Variants in PAPSS2 observed in about 807,000 individuals in gnomAD.
PAPSS2 encodes the protein bifunctional 3'-phosphoadenosine 5'-phosphosulfate synthase 2.
A neutral mutation model predicts 66.5 loss-of-function variants in PAPSS2; 61 were observed. The ratio of observed to expected loss-of-function variants is 0.92; its 90% confidence interval spans 0.75 to 1.14. The LOEUF is 1.14. PAPSS2 is among the 50% of genes most tolerant of loss of function. PAPSS2 has a pLI of 0.00. For synonymous variants in PAPSS2, 289 were observed against 287.5 expected (o/e 1.01, Z -0.05); for missense variants, 708 against 789.6 (o/e 0.90, Z 1.24).
At chr10:87,714,408 A>G (rs1853506460) in intron 4 of PAPSS2, among the ~76,000 whole-genome samples, 1 of 152,216 alleles carries the variant, frequency 6.6e-6, no homozygotes, top group African/African-American at 2.4e-5. Context: ...AATAACGTTC[A>G]GAGAACTAGA....
rs753208471 is a variant in PAPSS2, at chr10:87,743,638, A to G, written c.1488A>G (p.Thr496=). Residue 496 remains threonine (T), a synonymous_variant, in exon 11 of 13, where the codon ACA becomes ACG. Coordinates refer to ENST00000456849, the MANE Select transcript of PAPSS2 (RefSeq NM_001015880.2). The stretch of plus-strand genomic sequence containing the variant: ...CTCCCATGTTATATGCTGGCCCCAC[A>G]GAGGTGAGCAATTCCCAGAGCTGGG... ...FPSPMLYAGP[T]EVQWHCRSRM... 4 of 1,614,150 alleles carry G rather than the reference A, an allele frequency of 2.5e-6. No homozygotes were observed. The Admixed American group carries it at 6.7e-5, about 27-fold the overall frequency.
At chr10:87,695,198 T>TA (rs1853217285) in intron 1 of PAPSS2, among the ~76,000 whole-genome samples, 1 of 152,158 alleles carries the variant, frequency 6.6e-6, no homozygotes, top group East Asian at 1.9e-4. Context: ...GCAAGGAACT[T>TA]ACAGATTCAG....
chr10:87,668,042 C>A (rs1326881301), intron 1 of PAPSS2, among the ~76,000 whole-genome samples: 1 of 152,142 alleles, frequency 6.6e-6, no homozygotes, highest in Non-Finnish European at 1.5e-5. Context: ...ATTTAAACTA[C>A]CTGGAAGAAA....
intron 1 of PAPSS2, among the ~76,000 whole-genome samples, chr10:87,668,811 G>C (rs887297147): frequency 1.3e-5 from 2 of 152,028 alleles, no homozygotes; most frequent in African/African-American, 4.8e-5. Context: ...GCCATTCTTT[G>C]GCTTGACTGG....
At chr10:87,707,568 T>TC (rs1389021287) in intron 1 of PAPSS2, among the ~76,000 whole-genome samples, 4 of 57,494 alleles carry the variant, frequency 7.0e-5, no homozygotes, top group East Asian at 5.6e-4. Flanking sequence ...TTTTTTCTTT[T>TC]TTTTTTTTTT....
At chr10:87,706,372 T>A (rs1853390023) in intron 1 of PAPSS2, among the ~76,000 whole-genome samples, 1 of 151,752 alleles carries the variant, frequency 6.6e-6, no homozygotes, top group Admixed American at 6.6e-5. Context: ...GTTCTTGAAC[T>A]TAATGGCATT....
intron 1 of PAPSS2, among the ~76,000 whole-genome samples, chr10:87,677,794 G>A (rs1852967686): frequency 6.6e-6 from 1 of 152,164 alleles, no homozygotes; most frequent in Non-Finnish European, 1.5e-5. Context: ...TTACATGCAT[G>A]CGTGTGGAAT....
At chr10:87,722,239 T>C (rs1853606388) in intron 8 of PAPSS2, among the ~76,000 whole-genome samples, 1 of 152,212 alleles carries the variant, frequency 6.6e-6, no homozygotes, top group Non-Finnish European at 1.5e-5. Flanking sequence ...CAATGTATGA[T>C]TATGCATGAA....
At chr10:87,680,026 C>CAA (rs58787148) in intron 1 of PAPSS2, among the ~76,000 whole-genome samples, 3,552 of 126,648 alleles carry the variant, frequency 0.028, 183 homozygotes, top group African/African-American at 0.095. Context: ...GAACCTATCT[C>CAA]AAAAAAAAAA....
rs774708088 is a variant in PAPSS2, at chr10:87,709,182, G to A, written c.28-14G>A. 6.5e-6 allele frequency: 10 copies of A among 1,548,846 alleles called. No individual in the cohort carries two copies. Among genetic ancestry groups the A allele is most frequent in the Admixed American group, 1.7e-5 (1 of 59,878 alleles). On this transcript the variant is annotated splice_polypyrimidine_tract_variant and intron_variant, in intron 1 of 12. Coordinates refer to ENST00000456849, the MANE Select transcript of PAPSS2 (RefSeq NM_001015880.2). ...ATTAATTAATACTGTGCTTGGTTTT[G>A]TCTTATTTTATAGGAGAACCAGCAG...
At chr10:87,736,263 CTTT>C (rs10553485) in intron 9 of PAPSS2, among the ~76,000 whole-genome samples, 14 of 103,220 alleles carry the variant, frequency 1.4e-4, no homozygotes, top group Admixed American at 4.3e-4. Context: ...TTCTTTCTTT[CTTT>C]TTTTTTTTTT....
chr10:87,684,510 G>A (rs767072507), intron 1 of PAPSS2, among the ~76,000 whole-genome samples: 4 of 152,200 alleles, frequency 2.6e-5, no homozygotes, highest in Non-Finnish European at 5.9e-5. Context: ...GTCTTTGAAC[G>A]CTATAGATTA....
At chr10:87,701,414 C>T (rs866567773) in intron 1 of PAPSS2, among the ~76,000 whole-genome samples, 106 of 113,598 alleles carry the variant, frequency 9.3e-4, no homozygotes, top group African/African-American at 3.8e-3. Context: ...TTCTCTCTCT[C>T]TCTCTCTCTC....
intron 1 of PAPSS2, among the ~76,000 whole-genome samples, chr10:87,663,415 A>G (rs543082594): frequency 1.1e-4 from 16 of 152,106 alleles, no homozygotes; most frequent in African/African-American, 3.6e-4. Flanking sequence ...CCCAGCCAGA[A>G]GTAATTACTT....
At chr10:87,742,954 C>G (rs1853887462) in intron 10 of PAPSS2, among the ~76,000 whole-genome samples, 1 of 152,188 alleles carries the variant, frequency 6.6e-6, no homozygotes, top group Non-Finnish European at 1.5e-5. Flanking sequence ...TTATCAGAAG[C>G]CAGTGGATAG....
At chr10:87,665,379 C>T (rs1386838731) in intron 1 of PAPSS2, among the ~76,000 whole-genome samples, 2 of 151,958 alleles carry the variant, frequency 1.3e-5, no homozygotes, top group South Asian at 2.1e-4. Context: ...GCCCGGCTAA[C>T]TTTTTGTATT....
chr10:87,730,007 A>G (rs1853709756), intron 9 of PAPSS2, among the ~76,000 whole-genome samples: 1 of 152,184 alleles, frequency 6.6e-6, no homozygotes, highest in South Asian at 2.1e-4. Context: ...AAAAAATAAG[A>G]AAAAGAAATT....
At chr10:87,735,079 C>A (rs188829944) in intron 9 of PAPSS2, among the ~76,000 whole-genome samples, 2 of 152,126 alleles carry the variant, frequency 1.3e-5, no homozygotes, top group East Asian at 3.9e-4. Flanking sequence ...GCTCCTGAAG[C>A]CTGCTCCCCA....
chr10:87,721,415 G>A (rs1266830569), intron 7 of PAPSS2, among the ~76,000 whole-genome samples: 1 of 152,062 alleles, frequency 6.6e-6, no homozygotes, highest in African/African-American at 2.4e-5. Context: ...AAAACTTCTT[G>A]GTGAAGCTGG....
Sources: gnomAD v4.1 joint callset for allele counts (sites outside exome capture counted in the v4.1 genomes callset) on GRCh38, gnomAD v4.1.1 for gene constraint, MANE v1.5 for transcripts, NCBI Gene and HGNC (gene_info 2026-07-23, HGNC 2026-07-21) for gene names.